The following FBXO15 variants were observed in gnomAD, a reference collection of about 807,000 sequenced individuals.
FBXO15 encodes F-box protein 15.
FBXO15 carries 30 observed loss-of-function variants against 49.5 expected under a neutral mutation model. The ratio of observed to expected loss-of-function variants is 0.61; its 90% CI spans 0.45 to 0.82. FBXO15 has a LOEUF of 0.82. FBXO15 is among the 40% of genes least tolerant of loss of function. FBXO15 has a pLI of 0.00. For missense variants in FBXO15, 591 were observed against 631.5 expected (o/e 0.94, Z 0.69); for synonymous variants, 250 against 232.7 (o/e 1.07, Z -0.68).
Position 74,134,562 on chromosome 18 carries a change from G to A in FBXO15, c.332+1200C>T, listed in dbSNP as rs550535062. 4.6e-5 allele frequency among the ~76,000 whole-genome samples: 7 copies of A among 151,970 alleles called. No individual in the cohort carries two copies. The South Asian group carries it at 1.5e-3, about 32-fold the overall frequency. ...TTTTTGTATTTTTAGTAGAGACGGGGTTTCACCGTGTTAGCCAGGATGGTC... is the reference window on the plus strand; with the variant it reads ...TTTTTGTATTTTTAGTAGAGACGGGATTTCACCGTGTTAGCCAGGATGGTC... On this transcript the variant is annotated intron_variant, in intron 3 of 9. Transcript: ENST00000419743.
At chr18:74,132,704 G>A (rs1599183525) in intron 3 of FBXO15, among the ~76,000 whole-genome samples, 1 of 152,196 alleles carries the variant, frequency 6.6e-6, no homozygotes, top group East Asian at 1.9e-4. Context: ...TCAGATTCGA[G>A]GACGAGGGCA....
In FBXO15 at chr18:74,075,912, C is replaced by T. The variant is rs1912238758; in HGVS notation, c.1264-2182G>A. Among the ~76,000 whole-genome samples, 1 of 152,152 alleles carries T rather than the reference C, an allele frequency of 6.6e-6. No homozygotes were observed. Among genetic ancestry groups the T allele is most frequent in the Non-Finnish European group, 1.5e-5 (1 of 68,030 alleles). ...GTTATCACCAACATGCCTGTGATTC[C>T]CAAAAGTTTATCTCCAGGCCGAACT... On this transcript the variant is annotated intron_variant, in intron 9 of 9. Coordinates refer to ENST00000419743, the MANE Select transcript of FBXO15 (RefSeq NM_001142958.2). The surrounding 1 kb of genome is among the most constrained non-coding windows in gnomAD (Gnocchi z 4.1).
chr18:74,118,579 T>C (rs944270181), intron 8 of FBXO15, among the ~76,000 whole-genome samples: 47 of 151,632 alleles, frequency 3.1e-4, no homozygotes, highest in African/African-American at 1.1e-3. Flanking sequence ...TGTACAGGAG[T>C]TCTCTGTACA....
chr18:74,123,791 C>G (rs1914575851), intron 7 of FBXO15, among the ~76,000 whole-genome samples: 2 of 152,104 alleles, frequency 1.3e-5, no homozygotes, highest in South Asian at 2.1e-4. Flanking sequence ...AGCATGGCCA[C>G]TCTATAAAAG....
rs1978355926 is a variant in FBXO15 at position 74,130,929 on chromosome 18, T to A, written c.333-271A>T. On this transcript the variant is annotated intron_variant, in intron 3 of 9. Coordinates refer to ENST00000419743, the MANE Select transcript of FBXO15 (RefSeq NM_001142958.2). ...GTGAGTAATCTCACGTTATTTAGGATCATCCAAACGACTGCCCTCTTATAC... is the reference window on the plus strand; with the variant it reads ...GTGAGTAATCTCACGTTATTTAGGAACATCCAAACGACTGCCCTCTTATAC... The A allele has an allele frequency of 9.5e-6, 3 of 316,634 alleles. No individual in the cohort carries two copies. The South Asian group carries it at 1.2e-4, about 12-fold the overall frequency. The allele number at this position is 316,634 out of a possible 1,614,324, so 19.6% of individuals were successfully genotyped here.
chr18:74,135,965 A>T, intron 2 of FBXO15, 99 bp from the exon 3 acceptor site: 1 of 883,354 alleles, frequency 1.1e-6, no homozygotes, highest in Non-Finnish European at 1.7e-6. Context: ...TCTAAATAGA[A>T]GGCCGTAGAG....
intron 9 of FBXO15, among the ~76,000 whole-genome samples, chr18:74,079,588 C>T (rs553453899): frequency 4.5e-4 from 67 of 148,256 alleles, no homozygotes; most frequent in African/African-American, 1.7e-3. Context: ...TAATAATTAT[C>T]AGTATCTTTT....
chr18:74,136,008 C>G lies in FBXO15; in HGVS notation c.228-142G>C, dbSNP rs950054413. The G allele has an allele frequency of 2.0e-5, 12 of 592,906 alleles. No individual in the cohort carries two copies. The African/African-American group carries it at 2.3e-4, about 11-fold the overall frequency. The allele number at this position is 592,906 out of a possible 1,614,324, so 36.7% of individuals were successfully genotyped here. A position where few individuals can be genotyped will look rare whatever the true frequency, so the allele number is the denominator to read the frequency against. Reference sequence around the variant, plus strand: ...TCCTGTACAAGAGGCAAACTGTACCCTCATCTTCAATTACTTTCTTTATTG... The same window carrying G: ...TCCTGTACAAGAGGCAAACTGTACCGTCATCTTCAATTACTTTCTTTATTG... On this transcript the variant is annotated intron_variant, in intron 2 of 9. Transcript: ENST00000419743.
At chr18:74,124,199 A>G (rs1914602630) in intron 7 of FBXO15, among the ~76,000 whole-genome samples, 1 of 152,256 alleles carries the variant, frequency 6.6e-6, no homozygotes, top group African/African-American at 2.4e-5. Flanking sequence ...TTCACATAAG[A>G]GCAAGAACTT....
At chr18:74,101,879 T>C (rs1913537805) in intron 8 of FBXO15, among the ~76,000 whole-genome samples, 1 of 152,110 alleles carries the variant, frequency 6.6e-6, no homozygotes, top group Non-Finnish European at 1.5e-5. Context: ...GATACCCTAT[T>C]CAACAAATGT....
chr18:74,081,782 C>G, intron 9 of FBXO15, 145 bp downstream of exon 9: 1 of 613,244 alleles, frequency 1.6e-6, no homozygotes, highest in South Asian at 3.4e-5. Context: ...AGAATGTGCA[C>G]CAACCTTCAG....
intron 8 of FBXO15, among the ~76,000 whole-genome samples, chr18:74,120,184 G>A (rs147214940): frequency 2.0e-5 from 3 of 152,334 alleles, no homozygotes; most frequent in East Asian, 3.9e-4. Context: ...GAATATAACA[G>A]AGCTTCAAAA....
At chr18:74,107,277 G>A (rs1913811862) in intron 8 of FBXO15, among the ~76,000 whole-genome samples, 1 of 150,484 alleles carries the variant, frequency 6.6e-6, no homozygotes, top group Non-Finnish European at 1.5e-5. Flanking sequence ...AATAACCAAA[G>A]AACAGAGAAA....
chr18:74,111,823 C>G (rs1471337409), intron 8 of FBXO15, among the ~76,000 whole-genome samples: 1 of 151,928 alleles, frequency 6.6e-6, no homozygotes, highest in African/African-American at 2.4e-5. Context: ...CAAGAGAATA[C>G]AAATTGTTAA....
intron 8 of FBXO15, among the ~76,000 whole-genome samples, chr18:74,104,382 A>G (rs923224699): frequency 6.6e-6 from 1 of 152,170 alleles, no homozygotes; most frequent in Non-Finnish European, 1.5e-5. Flanking sequence ...AAGGGTTACA[A>G]AACAACCAGA....
At position 74,130,611 on chromosome 18, in the gene FBXO15, G is replaced by T; in HGVS notation, c.380C>A (p.Ser127Ter). 2 of 1,613,980 alleles carry T rather than the reference G, an allele frequency of 1.2e-6. No individual in the cohort carries two copies. The highest frequency in any genetic ancestry group is 2.2e-5 in the South Asian group (2 of 91,022). The change falls in exon 4 of 10, where the codon TCA becomes TAA. Residue 127 changes from serine to a stop codon, truncating the protein, a stop_gained. Coordinates refer to ENST00000419743, the MANE Select transcript of FBXO15 (RefSeq NM_001142958.2). LOFTEE classifies it high-confidence loss of function. ...IYSTAFSPAR[S>*]NWKFNSVEKI... ...CTCTACTGAATTAAATTTCCAATTT[G>T]ATCTTGCAGGTGAAAAAGCAGTTGA... is the stretch of plus-strand genomic sequence containing the variant.
intron 8 of FBXO15, among the ~76,000 whole-genome samples, chr18:74,111,664 GA>G (rs560879312): frequency 6.7e-6 from 1 of 149,834 alleles, no homozygotes; most frequent in East Asian, 2.0e-4. Context: ...AAACTAAGAA[GA>G]AAAAAAAGAA....
chr18:74,135,563 C>T (rs975544589), intron 3 of FBXO15, among the ~76,000 whole-genome samples, 199 bp downstream of exon 3: 6 of 152,106 alleles, frequency 3.9e-5, no homozygotes, highest in African/African-American at 1.4e-4. Flanking sequence ...TTTTTTTGTT[C>T]CATGCAAAGT....
intron 9 of FBXO15, among the ~76,000 whole-genome samples, chr18:74,081,000 A>G (rs1039553727): frequency 1.2e-4 from 19 of 152,244 alleles, no homozygotes; most frequent in African/African-American, 4.6e-4. Context: ...GAAGAAAAAG[A>G]AAGAAGGTAG....
Sources: gnomAD v4.1 joint callset for allele counts (sites outside exome capture counted in the v4.1 genomes callset) on GRCh38, gnomAD v4.1.1 for gene constraint, Gnocchi (gnomAD v3.1) non-coding constraint, MANE v1.5 for transcripts, NCBI Gene and HGNC (gene_info 2026-07-23, HGNC 2026-07-21) for gene names.